Variants in TMPO observed in about 807,000 individuals in gnomAD.
The protein encoded by TMPO is thymopoietin.
In TMPO, 22 loss-of-function variants were observed where a neutral mutation model predicts 45.4. The observed-to-expected ratio is 0.48, with a 90% CI of 0.35 to 0.69. The LOEUF (loss-of-function observed/expected upper bound fraction) is 0.69. TMPO is among the 30% of genes least tolerant of loss of function. TMPO has a pLI of 0.01. For missense variants in TMPO, 512 were observed against 548.8 expected (o/e 0.93, Z 0.67); for synonymous variants, 241 against 204.1 (o/e 1.18, Z -1.54).
At position 98,515,742 on chromosome 12, in the gene TMPO, A is replaced by T. The variant is rs886049908; in HGVS notation, c.-126A>T. ...TCCGCGAGTTTTTGTTCCGCTCCGC[A>T]GCGCTCTTCCCGGGCAGGAGCCGTG... On this transcript the variant is annotated 5_prime_UTR_variant, in exon 1 of 9. Transcript: ENST00000556029. 4.2e-5 allele frequency: 65 copies of T among 1,535,266 alleles called. No homozygotes were observed. The East Asian group carries it at 1.5e-3, about 35-fold the overall frequency.
chr12:98,541,164 C>T (rs550502002), intron 4 of TMPO, among the ~76,000 whole-genome samples: 2 of 152,264 alleles, frequency 1.3e-5, no homozygotes, highest in South Asian at 4.1e-4. Flanking sequence ...AATAGTAAGA[C>T]GTCCCAGGCT....
At position 98,520,780 on chromosome 12, in the gene TMPO, G is replaced by A. The variant is rs760126792; in HGVS notation, c.279+4634G>A. On this transcript the variant is annotated intron_variant, in intron 1 of 8. Coordinates refer to ENST00000556029, the MANE Select transcript of TMPO (RefSeq NM_001032283.3). ...TATGTATTTTTAGTAAAGACTGTTA[G>A]CCAGGATGGTCTCTATCTCCTGATC... Among the ~76,000 whole-genome samples the A allele has an allele frequency of 2.0e-4, 30 of 151,844 alleles. No individual in the cohort carries two copies. In the Middle Eastern group the frequency reaches 0.01, roughly 52 times the overall value.
At chr12:98,534,203 G>C (rs1877420887) in intron 3 of TMPO, 1 of 1,613,954 alleles carries the variant, frequency 6.2e-7, no homozygotes, top group East Asian at 2.2e-5. Context: ...GCCACTGTAG[G>C]TCGTCGATAC....
intron 3 of TMPO, among the ~76,000 whole-genome samples, chr12:98,532,589 A>G (rs1592944283): frequency 6.6e-6 from 1 of 152,354 alleles, no homozygotes; most frequent in East Asian, 1.9e-4. Context: ...AAAATTATAA[A>G]TACAACTTGA....
chr12:98,540,365 T>C (rs1877840271), intron 4 of TMPO, among the ~76,000 whole-genome samples: 1 of 151,920 alleles, frequency 6.6e-6, no homozygotes, highest in Admixed American at 6.6e-5. Flanking sequence ...CTGTTTTGCT[T>C]TGTTGTTGTT....
Position 98,533,648 on chromosome 12 carries a change from T to C in TMPO, c.565+1810T>C, listed in dbSNP as rs146132228. On this transcript the variant is annotated intron_variant, in intron 3 of 8. Transcript: ENST00000556029. Reference sequence around the variant, plus strand: ...CTGATGTCTTCTTTTGCCAAAACTGTTGTCTCTCATTCACTCACTACCTTA... The same window carrying C: ...CTGATGTCTTCTTTTGCCAAAACTGCTGTCTCTCATTCACTCACTACCTTA... The C allele has an allele frequency of 3.1e-6, 5 of 1,614,090 alleles. No homozygotes were observed. In the Admixed American group the frequency reaches 6.7e-5, roughly 22 times the overall value.
chr12:98,537,871 A>G (rs1042736953), intron 4 of TMPO, among the ~76,000 whole-genome samples: 1 of 151,396 alleles, frequency 6.6e-6, no homozygotes, highest in African/African-American at 2.5e-5. Context: ...ATATCTAGAC[A>G]CTTTTGATAC....
chr12:98,518,755 A>C (rs1306897493), intron 1 of TMPO, among the ~76,000 whole-genome samples: 1 of 152,172 alleles, frequency 6.6e-6, no homozygotes, highest in Non-Finnish European at 1.5e-5. Flanking sequence ...AGTTCCTACC[A>C]AGTGTTCTTA....
intron 6 of TMPO, 172 bp downstream of exon 6, chr12:98,544,709 T>C (rs1878118631): frequency 3.0e-6 from 2 of 657,718 alleles, no homozygotes; most frequent in South Asian, 3.9e-5. Context: ...TCCTATAATA[T>C]CCAATTTATG....
chr12:98,537,338 A>G (rs1308883115), intron 3 of TMPO, 137 bp from the exon 4 acceptor site: 1 of 651,170 alleles, frequency 1.5e-6, no homozygotes, highest in Admixed American at 2.9e-5. Context: ...ACAATTTTGG[A>G]CTAGTGAGGT....
In TMPO at chr12:98,545,738, C is replaced by CT. The variant is rs796569361; in HGVS notation, c.991-609dup. Among the ~76,000 whole-genome samples, 262 of 146,538 alleles carry CT rather than the reference C, an allele frequency of 1.8e-3. 1 individual carries two copies. The highest frequency in any genetic ancestry group is 0.011 in the East Asian group (58 of 5,052). On this transcript the variant is annotated intron_variant, in intron 7 of 8. Coordinates refer to ENST00000556029, the MANE Select transcript of TMPO (RefSeq NM_001032283.3). The stretch of plus-strand genomic sequence containing the variant: ...TCTTAATAAATGAAGAAACAGTATA[C>CT]TTTTTTTTTTTTGAAACGGAGTCTT...
intron 4 of TMPO, among the ~76,000 whole-genome samples, chr12:98,542,603 T>C (rs1877978816): frequency 6.6e-6 from 1 of 152,200 alleles, no homozygotes; most frequent in Non-Finnish European, 1.5e-5. Flanking sequence ...GGCTCACACC[T>C]GTAATCCCCG....
intron 3 of TMPO, among the ~76,000 whole-genome samples, chr12:98,537,169 C>T (rs1031051788): frequency 3.3e-5 from 5 of 152,052 alleles, no homozygotes; most frequent in African/African-American, 9.7e-5. Context: ...GAAAAGCTTT[C>T]GTGGGAGCAT....
At chr12:98,533,754 A>G (rs1454213724) in intron 3 of TMPO, 2 of 1,614,250 alleles carry the variant, frequency 1.2e-6, no homozygotes, top group Non-Finnish European at 1.7e-6. Context: ...AATCTATTTT[A>G]AAAGTAATTG....
At chr12:98,529,918 G>A (rs565497427) in intron 2 of TMPO, among the ~76,000 whole-genome samples, 2 of 152,228 alleles carry the variant, frequency 1.3e-5, no homozygotes, top group East Asian at 3.9e-4. Context: ...TTTGCTATAG[G>A]TATAGTTGCA....
chr12:98,534,790 T>C (rs1439385537), intron 3 of TMPO: 1 of 1,006,874 alleles, frequency 9.9e-7, no homozygotes, highest in Non-Finnish European at 1.2e-6. Flanking sequence ...TCTTTTCACG[T>C]TCCATAACTT....
intron 3 of TMPO, 44 bp downstream of exon 3, chr12:98,531,882 A>T (rs773104453): frequency 6.4e-7 from 1 of 1,554,494 alleles, no homozygotes; most frequent in Non-Finnish European, 8.8e-7. Context: ...GAATTTTTTC[A>T]CACTCAAAAT....
intron 3 of TMPO, 55 bp downstream of exon 3, chr12:98,531,893 T>A (rs1196544368): frequency 6.7e-7 from 1 of 1,487,590 alleles, no homozygotes; most frequent in East Asian, 2.3e-5. Flanking sequence ...CACTCAAAAT[T>A]CAGTGACCAT....
rs1328671328 is a variant in TMPO, at chr12:98,549,105, G to T, written c.*1247G>T. 2 of 152,116 alleles carry T rather than the reference G, an allele frequency of 1.3e-5. No homozygotes were observed. Among genetic ancestry groups the T allele is most frequent in the East Asian group, 3.8e-4 (2 of 5,202 alleles). 9.4% of individuals were successfully genotyped at this position (152,116 alleles called of 1,614,324 possible). On this transcript the variant is annotated 3_prime_UTR_variant, in exon 9 of 9. Transcript: ENST00000556029. ...CACTGCACTGTAGCCTGGCGACAGA[G>T]CAAGACTCCATCTCAAAAAAAATAA...
Sources: allele counts gnomAD v4.1 joint callset (sites outside exome capture counted in the v4.1 genomes callset), GRCh38; gene constraint gnomAD v4.1.1; transcripts MANE v1.5; gene names NCBI Gene and HGNC (gene_info 2026-07-23, HGNC 2026-07-21).